Variants in POU2F2 observed in about 807,000 individuals in gnomAD.
The protein encoded by POU2F2 is POU domain, class 2, transcription factor 2.
POU2F2 carries 14 observed loss-of-function variants against 63.5 expected under a neutral mutation model. The ratio of observed to expected loss-of-function variants is 0.22; its 90% CI spans 0.15 to 0.34. The LOEUF (loss-of-function observed/expected upper bound fraction) is 0.34, where lower values mean the gene tolerates loss of function less well. Among genes scored for constraint, POU2F2 ranks in the 10% least tolerant of loss-of-function variants. The pLI, the probability that POU2F2 is intolerant of heterozygous loss-of-function variation, is 1.00. For synonymous variants in POU2F2, 306 were observed against 348.6 expected, an observed-to-expected ratio of 0.88 and a Z score of 1.36; for missense variants, 607 against 815.2, an observed-to-expected ratio of 0.74 and a Z score of 3.11.
chr19:42,141,073 C>G (rs1401137310), intron 2 of POU2F2, among the ~76,000 whole-genome samples: 1 of 152,210 alleles, frequency 6.6e-6, no homozygotes, highest in Non-Finnish European at 1.5e-5. Flanking sequence ...CTTCCCTGAC[C>G]TCAGTCTTGC....
intron 1 of POU2F2, among the ~76,000 whole-genome samples, chr19:42,170,142 TTG>T (rs2034731345): frequency 6.6e-6 from 1 of 151,112 alleles, no homozygotes; most frequent in Non-Finnish European, 1.5e-5. Context: ...TCAGCATGGG[TTG>T]TGTGACCCCC....
In POU2F2 at chr19:42,152,005, G is replaced by T. The variant is rs369226026; in HGVS notation, c.-9+8327C>A. Among the ~76,000 whole-genome samples, 1 of 152,320 alleles carries T rather than the reference G, an allele frequency of 6.6e-6. No individual in the cohort carries two copies. Among genetic ancestry groups the T allele is most frequent in the South Asian group, 2.1e-4 (1 of 4,828 alleles). ...CCTGAGTACCTGGCTAGCGGTGGCT[G>T]GGGAAGAGGCCTTCAGACAGTTTTC... On this transcript the variant is annotated intron_variant, in intron 2 of 6. Transcript: ENST00000524801. This position sits in a 1 kb window ranked among gnomAD's most constrained non-coding sequence, Gnocchi z 4.1.
chr19:42,180,069 C>A (rs1250694722), upstream of POU2F2, among the ~76,000 whole-genome samples: 1 of 152,138 alleles, frequency 6.6e-6, no homozygotes, highest in East Asian at 1.9e-4. Flanking sequence ...CAACTGCACA[C>A]AAACTAGGCA....
At chr19:42,173,323 C>A (rs974325707) in intron 1 of POU2F2, among the ~76,000 whole-genome samples, 6 of 152,074 alleles carry the variant, frequency 3.9e-5, no homozygotes, top group Non-Finnish European at 8.8e-5. Context: ...GTCCAAGTAG[C>A]CCCTGGTGTG....
intron 2 of POU2F2, among the ~76,000 whole-genome samples, chr19:42,159,982 T>G (rs1040756704): frequency 6.6e-6 from 1 of 152,142 alleles, no homozygotes; most frequent in Non-Finnish European, 1.5e-5. Context: ...GCTCAAACTT[T>G]CCCAAGTCCC....
chr19:42,102,079 A>G (rs767047129), intron 5 of POU2F2, among the ~76,000 whole-genome samples: 6 of 152,224 alleles, frequency 3.9e-5, no homozygotes, highest in Middle Eastern at 3.2e-3. Flanking sequence ...TTACCACAAG[A>G]CATGTACTAC....
At chr19:42,165,393 G>A (rs532095616) in intron 1 of POU2F2, among the ~76,000 whole-genome samples, 2 of 152,322 alleles carry the variant, frequency 1.3e-5, no homozygotes, top group South Asian at 4.1e-4. Flanking sequence ...AACTGCTGGA[G>A]GGAAAACGAA....
intron 4 of POU2F2, among the ~76,000 whole-genome samples, chr19:42,121,628 C>G (rs1176766780): frequency 6.6e-6 from 1 of 152,188 alleles, no homozygotes; most frequent in East Asian, 1.9e-4. Context: ...AGGGTGGAGA[C>G]TGGAGCCCAG....
rs145518520 is a variant in POU2F2, at chr19:42,122,548, G to A, written c.57C>T (p.Ala19=). ...PEIRMSKPLE[A]EKQGLDSPSE... ...ATGGGGAGTCCAGACCTTGCTTCTCGGCCTCCAGGGGCTTAGACATTCTTA... is the reference window on the plus strand; with the variant it reads ...ATGGGGAGTCCAGACCTTGCTTCTCAGCCTCCAGGGGCTTAGACATTCTTA... Residue 19 remains alanine (A), a synonymous_variant, in exon 2 of 15, where the codon GCC becomes GCT. Coordinates refer to ENST00000692977, the MANE Select transcript of POU2F2 (RefSeq NM_001394376.1). 9.7e-5 allele frequency: 156 copies of A among 1,601,098 alleles called. No homozygotes were observed. The African/African-American group carries it at 1.6e-3, about 16-fold the overall frequency.
chr19:42,112,661 T>C (rs1568373323), intron 5 of POU2F2, among the ~76,000 whole-genome samples: 1 of 151,898 alleles, frequency 6.6e-6, no homozygotes, highest in Non-Finnish European at 1.5e-5. Context: ...TGAGCCACCC[T>C]GCCCGGCCCA....
At chr19:42,137,281 A>G (rs897107264), upstream of POU2F2, among the ~76,000 whole-genome samples, 1 of 152,034 alleles carries the variant, frequency 6.6e-6, no homozygotes, top group South Asian at 2.1e-4. Flanking sequence ...CAAGGCTGCA[A>G]TGAGCTATGA....
chr19:42,164,150 CG>C (rs2034603990), intron 1 of POU2F2, among the ~76,000 whole-genome samples: 2 of 151,962 alleles, frequency 1.3e-5, no homozygotes, highest in African/African-American at 4.8e-5. Flanking sequence ...AAATATTAGC[CG>C]GGTGTGGTGG....
rs981226849 is a variant in POU2F2 at position 42,153,649 on chromosome 19, C to T, written c.-9+6683G>A. ...CCTCATGAGTGTCGGAGAGTCCATGCGGTTTCTCTGTGTGTCTATGTGATG... is the reference window on the plus strand; with the variant it reads ...CCTCATGAGTGTCGGAGAGTCCATGTGGTTTCTCTGTGTGTCTATGTGATG... On this transcript the variant is annotated intron_variant, in intron 2 of 6. Coordinates refer to the POU2F2 transcript ENST00000524801. The surrounding 1 kb of genome is among the most constrained non-coding windows in gnomAD (Gnocchi z 5.6). Among the ~76,000 whole-genome samples the T allele has an allele frequency of 6.6e-6, 1 of 152,042 alleles. No individual in the cohort carries two copies. The highest frequency in any genetic ancestry group is 1.5e-5 in the Non-Finnish European group (1 of 68,002).
chr19:42,106,011 C>CTTTCTT (rs1171980545), intron 5 of POU2F2, among the ~76,000 whole-genome samples: 11 of 138,178 alleles, frequency 8.0e-5, no homozygotes, highest in African/African-American at 1.1e-4. Context: ...TTCTTTCTTT[C>CTTTCTT]TTTCTTTCTT....
intron 5 of POU2F2, among the ~76,000 whole-genome samples, chr19:42,113,893 G>C (rs944335911): frequency 6.6e-6 from 1 of 152,190 alleles, no homozygotes. Context: ...AAGTCAGGAA[G>C]AGCTGGTCCC....
At chr19:42,188,793 G>A (rs797001372) in intron 1 of POU2F2, among the ~76,000 whole-genome samples, 15 of 144,848 alleles carry the variant, frequency 1.0e-4, no homozygotes, top group African/African-American at 3.8e-4. Context: ...AGGAAAGGGA[G>A]AGGGAAAGAA....
intron 1 of POU2F2, among the ~76,000 whole-genome samples, chr19:42,195,631 CCCCTCCCTCCCTTTCTTCCCT>C (rs984695491): frequency 2.7e-5 from 4 of 149,240 alleles, no homozygotes; most frequent in African/African-American, 9.9e-5. Context: ...CGCGCCTGGC[CCCCTCCCTCCCTTTCTTCCCT>C]CCCTCCCTTC....
intron 1 of POU2F2, among the ~76,000 whole-genome samples, chr19:42,188,090 T>C (rs115327664): frequency 0.028 from 4,230 of 152,226 alleles, 202 homozygotes; most frequent in African/African-American, 0.096. Context: ...TATGGCCTGG[T>C]GCAGTGGCTC....
At chr19:42,144,591 A>T (rs2034193452) in intron 2 of POU2F2, among the ~76,000 whole-genome samples, 1 of 152,248 alleles carries the variant, frequency 6.6e-6, no homozygotes. Context: ...GGAGCTCTCA[A>T]GCCTCGATGC....
Sources: allele counts gnomAD v4.1 joint callset (sites outside exome capture counted in the v4.1 genomes callset), GRCh38; gene constraint gnomAD v4.1.1; non-coding constraint Gnocchi (gnomAD v3.1); transcripts MANE v1.5; gene names NCBI Gene and HGNC (gene_info 2026-07-23, HGNC 2026-07-21).